Variants in CLVS1 observed in about 807,000 individuals in gnomAD.
CLVS1 encodes the protein clavesin-1.
CLVS1 carries 10 observed loss-of-function variants against 33.1 expected under a neutral mutation model. The ratio of observed to expected loss-of-function variants is 0.30; its 90% CI spans 0.19 to 0.51. The LOEUF is 0.51. Ranked by LOEUF, CLVS1 falls within the 20% of genes least tolerant of loss-of-function variation. The pLI, the probability that CLVS1 is intolerant of heterozygous loss-of-function variation, is 0.97. For missense variants in CLVS1, 343 were observed against 433.4 expected, an observed-to-expected ratio of 0.79 and a Z score of 1.85; for synonymous variants, 163 against 166.1, an observed-to-expected ratio of 0.98 and a Z score of 0.14.
chr8:61,103,163 C>A (rs1362989426), intron 1 of CLVS1, among the ~76,000 whole-genome samples: 2 of 152,164 alleles, frequency 1.3e-5, no homozygotes, highest in Non-Finnish European at 2.9e-5. Context: ...TGCTAGTGGA[C>A]CTGAAATGAC....
chr8:61,404,996 C>T (rs16927283), intron 3 of CLVS1, among the ~76,000 whole-genome samples: 106,787 of 152,084 alleles, frequency 0.7, 38,281 homozygotes, highest in Admixed American at 0.79. Context: ...CCAGAACCAA[C>T]TGTGGCTCCA....
chr8:61,258,948 C>A (rs1809142389), intron 2 of CLVS1, among the ~76,000 whole-genome samples: 2 of 152,044 alleles, frequency 1.3e-5, no homozygotes, highest in South Asian at 2.1e-4. Flanking sequence ...GATACATGTT[C>A]CCTAACTGTA....
the CLVS1 span, among the ~76,000 whole-genome samples, chr8:60,986,278 A>G: frequency 1.3e-5 from 2 of 152,248 alleles, no homozygotes; most frequent in Admixed American, 1.3e-4. Flanking sequence ...TTCTCTAATT[A>G]ACAAAACCTT....
chr8:61,383,384 T>C (rs930007011), intron 3 of CLVS1, among the ~76,000 whole-genome samples: 1 of 152,254 alleles, frequency 6.6e-6, no homozygotes, highest in Non-Finnish European at 1.5e-5. Flanking sequence ...GTAACATTTA[T>C]AGCATCTTTT....
At chr8:61,020,025 T>C in the CLVS1 span, among the ~76,000 whole-genome samples, 1 of 152,350 alleles carries the variant, frequency 6.6e-6, no homozygotes, top group Non-Finnish European at 1.5e-5. Context: ...CTCATTCTCC[T>C]CTTGGCTTGT....
At chr8:61,204,806 G>A (rs1807806216) in intron 2 of CLVS1, among the ~76,000 whole-genome samples, 1 of 152,062 alleles carries the variant, frequency 6.6e-6, no homozygotes, top group African/African-American at 2.4e-5. Flanking sequence ...TTCTTCAAGA[G>A]CTTTTGCCAC....
intron 3 of CLVS1, among the ~76,000 whole-genome samples, chr8:61,427,964 T>C (rs918239748): frequency 1.3e-5 from 2 of 152,148 alleles, no homozygotes; most frequent in African/African-American, 2.4e-5. Flanking sequence ...ACACACGATA[T>C]GCACCAATAA....
chr8:60,974,358 G>A, the CLVS1 span, among the ~76,000 whole-genome samples: 9 of 152,162 alleles, frequency 5.9e-5, no homozygotes, highest in African/African-American at 1.7e-4. Context: ...TCCATTTCAA[G>A]TTTGAGAACT....
chr8:61,214,685 A>T (rs2978534), intron 2 of CLVS1, among the ~76,000 whole-genome samples: 72,241 of 152,056 alleles, frequency 0.48, 17,928 homozygotes, highest in East Asian at 0.82. Context: ...GTGATTTGTT[A>T]TGGCAGCCTT....
At chr8:61,168,084 C>T (rs998857701) in intron 2 of CLVS1, among the ~76,000 whole-genome samples, 2 of 152,156 alleles carry the variant, frequency 1.3e-5, no homozygotes, top group Non-Finnish European at 2.9e-5. Flanking sequence ...TGTGAGAGAT[C>T]GAAGAACCCT....
intron 5 of CLVS1, among the ~76,000 whole-genome samples, chr8:61,469,509 T>C (rs1482062886): frequency 6.6e-6 from 1 of 152,194 alleles, no homozygotes; most frequent in Non-Finnish European, 1.5e-5. Flanking sequence ...TTTCCCCACT[T>C]GGCCCCTGCC....
At chr8:61,137,023 G>T (rs899764579) in intron 2 of CLVS1, among the ~76,000 whole-genome samples, 22 of 152,334 alleles carry the variant, frequency 1.4e-4, no homozygotes, top group Non-Finnish European at 1.9e-4. Flanking sequence ...GTACAATGGG[G>T]TGTACGAAAG....
At chr8:61,373,012 A>G (rs1006365528) in intron 2 of CLVS1, among the ~76,000 whole-genome samples, 2 of 152,228 alleles carry the variant, frequency 1.3e-5, no homozygotes, top group Non-Finnish European at 2.9e-5. Flanking sequence ...GAAGGAAGCC[A>G]CAATGCTCAG....
intron 1 of CLVS1, among the ~76,000 whole-genome samples, chr8:61,092,502 G>A (rs1323121556): frequency 2.0e-5 from 3 of 152,172 alleles, no homozygotes; most frequent in Non-Finnish European, 4.4e-5. Flanking sequence ...GTCCAAAATG[G>A]GTCTCCCTGG....
chr8:61,426,375 C>G (rs1447244873), intron 3 of CLVS1, among the ~76,000 whole-genome samples: 1 of 152,204 alleles, frequency 6.6e-6, no homozygotes, highest in African/African-American at 2.4e-5. Flanking sequence ...ATAATATTTA[C>G]TAATTGTATC....
At chr8:61,079,314 CG>C (rs1804980663) in intron 1 of CLVS1, among the ~76,000 whole-genome samples, 2 of 152,160 alleles carry the variant, frequency 1.3e-5, no homozygotes, top group Non-Finnish European at 2.9e-5. Context: ...AAGGGAGGCC[CG>C]TGTGATTTCT....
At chr8:61,181,950 C>T (rs896288000) in intron 2 of CLVS1, among the ~76,000 whole-genome samples, 1 of 152,108 alleles carries the variant, frequency 6.6e-6, no homozygotes, top group Admixed American at 6.5e-5. Context: ...ATCCACCCGC[C>T]TCAGCCTCCC....
At chr8:61,330,926 A>G (rs7827159) in intron 2 of CLVS1, among the ~76,000 whole-genome samples, 2,824 of 151,492 alleles carry the variant, frequency 0.019, 85 homozygotes, top group African/African-American at 0.064. Flanking sequence ...CCCATTTCAA[A>G]AAAAAAAAAA....
intron 2 of CLVS1, among the ~76,000 whole-genome samples, chr8:61,273,554 T>G (rs28874581): frequency 0.012 from 1,825 of 152,348 alleles, 41 homozygotes; most frequent in African/African-American, 0.042. Flanking sequence ...GTTTACCTAA[T>G]CAAGCCCGGG....
Sources: allele counts gnomAD v4.1 joint callset (sites outside exome capture counted in the v4.1 genomes callset), GRCh38; gene constraint gnomAD v4.1.1; transcripts MANE v1.5; gene names NCBI Gene and HGNC (gene_info 2026-07-23, HGNC 2026-07-21).